Variants in CACNA2D3 observed in about 807,000 individuals in gnomAD.
The protein encoded by CACNA2D3 is voltage-dependent calcium channel subunit alpha-2/delta-3.
In CACNA2D3, 60 loss-of-function variants were observed where a neutral mutation model predicts 160.6. The observed-to-expected ratio is 0.37, with a 90% CI of 0.30 to 0.46. The LOEUF (loss-of-function observed/expected upper bound fraction) is 0.46, where lower values mean the gene tolerates loss of function less well. CACNA2D3 is among the 20% of genes least tolerant of loss of function. The pLI is 1.00. For synonymous variants in CACNA2D3, 558 were observed against 492.9 expected, an observed-to-expected ratio of 1.13 and a Z score of -1.75; for missense variants, 1,205 against 1,365.0, an observed-to-expected ratio of 0.88 and a Z score of 1.85.
intron 4 of CACNA2D3, among the ~76,000 whole-genome samples, chr3:54,484,508 T>A (rs1575482603): frequency 6.6e-6 from 1 of 152,304 alleles, no homozygotes; most frequent in African/African-American, 2.4e-5. Flanking sequence ...TGACCTTTTG[T>A]GATATGCATG....
At chr3:54,382,991 G>T (rs892438490) in intron 3 of CACNA2D3, among the ~76,000 whole-genome samples, 2 of 152,142 alleles carry the variant, frequency 1.3e-5, no homozygotes, top group African/African-American at 4.8e-5. Context: ...GGGACTACAG[G>T]TGGGTGCCAC....
At chr3:54,690,389 C>T (rs2106931135) in intron 11 of CACNA2D3, among the ~76,000 whole-genome samples, 1 of 152,254 alleles carries the variant, frequency 6.6e-6, no homozygotes, top group Non-Finnish European at 1.5e-5. Context: ...ACCGTTTGCA[C>T]ACAGGGATGG....
chr3:54,741,235 A>G (rs1164780568), intron 11 of CACNA2D3, among the ~76,000 whole-genome samples: 1 of 152,030 alleles, frequency 6.6e-6, no homozygotes, highest in Non-Finnish European at 1.5e-5. Flanking sequence ...CAGGCGTTAT[A>G]CTCTCAGACC....
intron 2 of CACNA2D3, among the ~76,000 whole-genome samples, chr3:54,185,270 A>G (rs1700860444): frequency 2.0e-5 from 3 of 152,366 alleles, no homozygotes; most frequent in African/African-American, 7.2e-5. Flanking sequence ...TACTTACATC[A>G]GAATTGAACT....
intron 6 of CACNA2D3, among the ~76,000 whole-genome samples, chr3:54,563,700 A>C (rs2106708241): frequency 6.6e-6 from 1 of 152,342 alleles, no homozygotes; most frequent in Middle Eastern, 3.4e-3. Flanking sequence ...AACAAGCTCA[A>C]CCTAAAAGAA....
intron 4 of CACNA2D3, among the ~76,000 whole-genome samples, chr3:54,388,237 T>C (rs916896086): frequency 2.0e-5 from 3 of 152,188 alleles, no homozygotes; most frequent in Non-Finnish European, 2.9e-5. Flanking sequence ...AAGGATTTGA[T>C]AGAGGAGTAT....
intron 4 of CACNA2D3, among the ~76,000 whole-genome samples, chr3:54,398,515 GGT>G (rs1699395759): frequency 1.7e-5 from 1 of 57,790 alleles, no homozygotes; most frequent in African/African-American, 8.1e-5. Context: ...CAGGCCTGGT[GGT>G]GACAAAATCT....
rs1699863070 is a variant in CACNA2D3, at chr3:54,883,823, CCTCTCT to C, written c.1913-1454_1913-1449del. Reference sequence around the variant, plus strand: ...AATCTCTCTCTCTCTCTCTCTCTCTCCTCTCTCTCCCTTCAACCCTCCTTATCTCTT... The same window carrying C: ...AATCTCTCTCTCTCTCTCTCTCTCTCCTCCCTTCAACCCTCCTTATCTCTT... On this transcript the variant is annotated intron_variant, in intron 21 of 37. Transcript: ENST00000474759. Among the ~76,000 whole-genome samples, 124 of 88,970 alleles carry C rather than the reference CCTCTCT, an allele frequency of 1.4e-3. 1 individual carries two copies. The highest frequency in any genetic ancestry group is 4.3e-3 in the African/African-American group (118 of 27,452). 58.4% of individuals were successfully genotyped at this position (88,970 alleles called of 152,430 possible).
At chr3:54,390,112 G>T (rs768303252) in intron 4 of CACNA2D3, among the ~76,000 whole-genome samples, 1 of 152,176 alleles carries the variant, frequency 6.6e-6, no homozygotes, top group African/African-American at 2.4e-5. Flanking sequence ...GAGAGACAAG[G>T]GTTGGTGGGA....
chr3:55,002,720 A>G (rs910335025), intron 31 of CACNA2D3, among the ~76,000 whole-genome samples: 1 of 152,226 alleles, frequency 6.6e-6, no homozygotes, highest in African/African-American at 2.4e-5. Context: ...AGGACTGGCT[A>G]CGTGACCACT....
At chr3:54,995,735 T>G (rs1702842170) in intron 31 of CACNA2D3, among the ~76,000 whole-genome samples, 1 of 152,208 alleles carries the variant, frequency 6.6e-6, no homozygotes. Flanking sequence ...AATGTGCATA[T>G]TAAAAAGTCA....
At chr3:54,471,833 C>T (rs1700737308) in intron 4 of CACNA2D3, among the ~76,000 whole-genome samples, 2 of 152,132 alleles carry the variant, frequency 1.3e-5, no homozygotes, top group Admixed American at 1.3e-4. Flanking sequence ...CACATACACC[C>T]TCACAAGACT....
chr3:54,670,099 A>T (rs1017247438), intron 11 of CACNA2D3, among the ~76,000 whole-genome samples: 2 of 152,178 alleles, frequency 1.3e-5, no homozygotes, highest in African/African-American at 4.8e-5. Context: ...GCTTGGCGAA[A>T]ATTCTGCTGT....
chr3:54,836,226 CTTTTTTTTTT>C (rs71096454), intron 14 of CACNA2D3, among the ~76,000 whole-genome samples: 1 of 92,704 alleles, frequency 1.1e-5, no homozygotes, highest in Non-Finnish European at 2.3e-5. Context: ...TTTTTTTTTT[CTTTTTTTTTT>C]TTTTTGTTTT....
chr3:54,549,247 C>G (rs921334573), intron 5 of CACNA2D3, among the ~76,000 whole-genome samples: 7 of 152,150 alleles, frequency 4.6e-5, no homozygotes, highest in African/African-American at 1.7e-4. Context: ...GAGATCGAGA[C>G]CATCCTGGCT....
At chr3:54,600,435 A>G (rs1286646784) in intron 9 of CACNA2D3, among the ~76,000 whole-genome samples, 1 of 152,130 alleles carries the variant, frequency 6.6e-6, no homozygotes, top group Non-Finnish European at 1.5e-5. Context: ...TTTCGTGGGT[A>G]TTTGCTACAA....
chr3:54,594,831 C>T (rs1702921440), intron 9 of CACNA2D3, among the ~76,000 whole-genome samples: 1 of 152,164 alleles, frequency 6.6e-6, no homozygotes, highest in Non-Finnish European at 1.5e-5. Flanking sequence ...TATTTGTCAG[C>T]TGAGTTGACA....
intron 5 of CACNA2D3, among the ~76,000 whole-genome samples, chr3:54,509,055 A>G (rs1257124111): frequency 6.6e-6 from 1 of 152,152 alleles, no homozygotes; most frequent in African/African-American, 2.4e-5. Context: ...TATTTTTCAA[A>G]TGTTGAGCTT....
chr3:54,417,023 C>T (rs556257969), intron 4 of CACNA2D3, among the ~76,000 whole-genome samples: 14 of 151,326 alleles, frequency 9.3e-5, no homozygotes, highest in Admixed American at 3.9e-4. Flanking sequence ...GGCAGGCAGT[C>T]TCTTAAAAAA....
Sources: allele counts gnomAD v4.1 joint callset (sites outside exome capture counted in the v4.1 genomes callset), GRCh38; gene constraint gnomAD v4.1.1; transcripts MANE v1.5; gene names NCBI Gene and HGNC (gene_info 2026-07-23, HGNC 2026-07-21).